MCM4: variants seen among roughly 807,000 people sequenced by gnomAD.
The protein encoded by MCM4 is minichromosome maintenance complex component 4.
In MCM4, 60 loss-of-function variants were observed where a neutral mutation model predicts 88.7. That is an observed-to-expected ratio of 0.68 (90% confidence interval 0.55 to 0.84). The LOEUF (loss-of-function observed/expected upper bound fraction) is 0.84, where lower values mean the gene tolerates loss of function less well. MCM4 is among the 40% of genes least tolerant of loss of function. MCM4 has a pLI of 0.00. For synonymous variants in MCM4, 465 were observed against 410.5 expected, an observed-to-expected ratio of 1.13 and a Z score of -1.61; for missense variants, 1,149 against 1,105.5, an observed-to-expected ratio of 1.04 and a Z score of -0.56.
chr8:47,962,265 T>C (rs761875960), intron 4 of MCM4, 40 bp from the exon 5 acceptor site: 1 of 1,607,418 alleles, frequency 6.2e-7, no homozygotes, highest in South Asian at 1.1e-5. Flanking sequence ...ATCATGTGGG[T>C]AACTCTGTTT....
intron 16 of MCM4, 34 bp downstream of exon 16, chr8:47,975,882 G>T: frequency 1.4e-6 from 2 of 1,408,832 alleles, no homozygotes; most frequent in Non-Finnish European, 1.9e-6. Flanking sequence ...GTTTGATAGA[G>T]CTTTCTCTTT....
At chr8:47,975,982 C>A in intron 16 of MCM4, 134 bp downstream of exon 16, 1 of 710,968 alleles carries the variant, frequency 1.4e-6, no homozygotes, top group Non-Finnish European at 2.0e-6. Context: ...AACCATAAGC[C>A]ATCATCAAGA....
intron 16 of MCM4, 37 bp downstream of exon 16, chr8:47,975,885 T>C (rs2090996538): frequency 7.1e-7 from 1 of 1,408,656 alleles, no homozygotes; most frequent in African/African-American, 1.5e-5. Context: ...TGATAGAGCT[T>C]TCTCTTTTTC....
chr8:47,969,472 G>A (rs2154505276), intron 10 of MCM4: 1 of 283,436 alleles, frequency 3.5e-6, no homozygotes, highest in Admixed American at 4.7e-5. Context: ...TGATTAGGGT[G>A]GTCTCGAACT....
chr8:47,974,672 C>A, intron 14 of MCM4, 62 bp from the exon 15 acceptor site: 1 of 1,373,806 alleles, frequency 7.3e-7, no homozygotes, highest in Non-Finnish European at 1.0e-6. Context: ...AAAATTCACC[C>A]ACAAAACTAA....
At chr8:47,963,064 A>G (rs770120750) in intron 7 of MCM4, 24 bp downstream of exon 7, 6 of 1,353,078 alleles carry the variant, frequency 4.4e-6, no homozygotes, top group Non-Finnish European at 6.2e-6. Flanking sequence ...TTTGACCTTG[A>G]TGAATTTTAG....
Position 47,974,771 on chromosome 8 carries a change from G to A in MCM4, c.2174G>A (p.Gly725Glu). Residue 725 changes from glycine to glutamate, a missense_variant, in exon 15 of 17, where the codon GGA (glycine) becomes GAA (glutamate). Around this residue, in one of 3 missense-constraint regions of MCM4, gnomAD observed 238 missense variants for 241.6 expected, o/e 0.99. Coordinates refer to ENST00000649973, the MANE Select transcript of MCM4 (RefSeq NM_182746.3). ...ATGAGGAAGATTGGCAGTAGCCGGG[G>A]AATGGTTTCTGCATACCCTCGACAG... The part of the protein sequence containing the change: ...VDMRKIGSSR[G>E]MVSAYPRQLE... 1 of 1,614,216 alleles carries A rather than the reference G, an allele frequency of 6.2e-7. No homozygotes were observed. The highest frequency in any genetic ancestry group is 1.3e-5 in the African/African-American group (1 of 75,050).
intron 14 of MCM4, chr8:47,973,948 G>A (rs909284579): frequency 1.3e-5 from 2 of 152,144 alleles, no homozygotes; most frequent in African/African-American, 4.8e-5. Context: ...CAAAGACCTG[G>A]TTTCAAATAG....
chr8:47,963,600 C>T (rs2090868511), intron 7 of MCM4, among the ~76,000 whole-genome samples: 1 of 152,118 alleles, frequency 6.6e-6, no homozygotes, highest in South Asian at 2.1e-4. Flanking sequence ...AATGATGAAT[C>T]TTAAAACTGA....
chr8:47,972,295 G>GTTACT (rs1169648614), intron 13 of MCM4, among the ~76,000 whole-genome samples: 1 of 151,742 alleles, frequency 6.6e-6, no homozygotes. Flanking sequence ...TTTCCCTAAG[G>GTTACT]GAAGACTTCC....
chr8:47,963,569 G>A (rs17334340), intron 7 of MCM4, among the ~76,000 whole-genome samples: 7,703 of 152,224 alleles, frequency 0.051, 662 homozygotes, highest in African/African-American at 0.18. Flanking sequence ...GGTTTACTTG[G>A]CAGTGTTTTT....
chr8:47,964,288 AGT>A (rs2090876487), intron 7 of MCM4, among the ~76,000 whole-genome samples: 1 of 152,272 alleles, frequency 6.6e-6, no homozygotes, highest in Admixed American at 6.5e-5. Flanking sequence ...AGGAAAATAA[AGT>A]GTGAGGTCAA....
At chr8:47,967,110 G>T (rs535493030) in intron 9 of MCM4, among the ~76,000 whole-genome samples, 2 of 152,168 alleles carry the variant, frequency 1.3e-5, no homozygotes, top group African/African-American at 4.8e-5. Context: ...GGCCTTCCTC[G>T]ACCCTGCTTT....
intron 10 of MCM4, 54 bp downstream of exon 10, chr8:47,967,539 C>T: frequency 1.2e-6 from 2 of 1,609,428 alleles, no homozygotes; most frequent in Non-Finnish European, 1.7e-6. Flanking sequence ...GCTTTCAATG[C>T]TGTGCTTTAG....
chr8:47,970,413 T>C (rs570846149), intron 11 of MCM4, 98 bp from the exon 12 acceptor site: 87 of 1,422,226 alleles, frequency 6.1e-5, no homozygotes, highest in Admixed American at 2.3e-4. Flanking sequence ...TTCTTAATTG[T>C]AGTTCTTTAT....
In MCM4 at chr8:47,961,113, C is replaced by A; in HGVS notation, c.-14-18C>A. 1.3e-6 allele frequency: 2 copies of A among 1,539,678 alleles called. No homozygotes were observed. The highest frequency in any genetic ancestry group is 1.9e-5 in the Admixed American group (1 of 54,044). On this transcript the variant is annotated intron_variant, in intron 1 of 16. Coordinates refer to ENST00000649973, the MANE Select transcript of MCM4 (RefSeq NM_182746.3). ...AGCCGGGAGGCGGGCCCGGCCCGAG[C>A]TTGTCCTTGTCGCGCAGGTACTCCG... is the stretch of plus-strand genomic sequence containing the variant.
rs146501505 is a variant in MCM4, at chr8:47,972,887, T to C, written c.1959T>C (p.Pro653=). Residue 653 remains proline, a synonymous_variant, in exon 14 of 17, where the codon CCT becomes CCC. Coordinates refer to ENST00000649973, the MANE Select transcript of MCM4 (RefSeq NM_182746.3). ...RFDLIFLLLD[P]QDEAYDRRLA... ...ATTTGATCTTCCTCTTGCTGGACCC[T>C]CAGGACGAAGCCTATGACAGGCGTC... The C allele has an allele frequency of 1.9e-5, 31 of 1,614,096 alleles. No homozygotes were observed. The highest frequency in any genetic ancestry group is 2.6e-5 in the Non-Finnish European group (31 of 1,180,034).
At chr8:47,964,800 A>G in intron 8 of MCM4, 88 bp downstream of exon 8, 1 of 1,159,652 alleles carries the variant, frequency 8.6e-7, no homozygotes, top group Admixed American at 2.7e-5. Flanking sequence ...TTATGAAAGA[A>G]GTAATTGGCG....
Position 47,967,463 on chromosome 8 carries a change from T to G in MCM4, c.1152T>G (p.Pro384=). ...ATGATCTCGTTGACAAGGTCCAGCC[T>G]GGGGACAGAGTGAATGTTACAGGTA... ...AHNDLVDKVQ[P]GDRVNVTGIY... Residue 384 remains proline (P), a synonymous_variant, in exon 10 of 17, where the codon CCT becomes CCG. Transcript: ENST00000649973. 1 of 1,614,198 alleles carries G rather than the reference T, an allele frequency of 6.2e-7. No individual in the cohort carries two copies. The highest frequency in any genetic ancestry group is 8.5e-7 in the Non-Finnish European group (1 of 1,180,024).
Sources: allele counts gnomAD v4.1 joint callset (sites outside exome capture counted in the v4.1 genomes callset), GRCh38; gene constraint gnomAD v4.1.1; regional missense constraint gnomAD v4.1.1; transcripts MANE v1.5; gene names NCBI Gene and HGNC (gene_info 2026-07-23, HGNC 2026-07-21).